EPN2: variants seen among roughly 807,000 people sequenced by gnomAD.
EPN2 encodes the protein epsin 2.
Under a neutral mutation model 61.7 loss-of-function variants are expected in EPN2, and 34 were observed. That is an observed-to-expected ratio of 0.55 (90% CI 0.42 to 0.73). EPN2 has a LOEUF of 0.73. EPN2 is among the 30% of genes least tolerant of loss of function. The pLI, the probability that EPN2 is intolerant of heterozygous loss-of-function variation, is 0.00. For synonymous variants in EPN2, 349 were observed against 353.6 expected (o/e 0.99, Z 0.15); for missense variants, 714 against 839.2 (o/e 0.85, Z 1.84).
rs374152445 is a variant in EPN2, at chr17:19,295,364, A to ACGCGCGCGCG, written c.766+9575_766+9576insGCGCGCGCGC. 4.9e-3 allele frequency among the ~76,000 whole-genome samples: 398 copies of ACGCGCGCGCG among 81,792 alleles called. 2 individuals are homozygous for ACGCGCGCGCG. The highest frequency in any genetic ancestry group is 0.036 in the Middle Eastern group (5 of 140). The allele number at this position is 81,792 out of a possible 152,430, so 53.7% of individuals were successfully genotyped here. A position where few individuals can be genotyped will look rare whatever the true frequency, so the allele number is the denominator to read the frequency against. ...AATACACACACACACACACACACAC[A>ACGCGCGCGCG]CACGCGCGTGCGCGCAAAATAGCCA... On this transcript the variant is annotated intron_variant, in intron 4 of 10. Coordinates refer to ENST00000314728, the MANE Select transcript of EPN2 (RefSeq NM_014964.5).
chr17:19,331,621 A>C (rs1407764692), intron 9 of EPN2, among the ~76,000 whole-genome samples: 1 of 151,828 alleles, frequency 6.6e-6, no homozygotes, highest in Non-Finnish European at 1.5e-5. Context: ...AACCTGCTTT[A>C]GTATTTTGAT....
At chr17:19,250,070 T>A (rs1360121408) in intron 1 of EPN2, among the ~76,000 whole-genome samples, 1 of 152,160 alleles carries the variant, frequency 6.6e-6, no homozygotes, top group Non-Finnish European at 1.5e-5. Context: ...GATACTATGT[T>A]TTAAAGTCAG....
chr17:19,324,770 A>T (rs974342785), intron 7 of EPN2, among the ~76,000 whole-genome samples: 5 of 152,278 alleles, frequency 3.3e-5, no homozygotes, highest in African/African-American at 1.2e-4. Flanking sequence ...ATAAAAGGAA[A>T]TTATAAGGAT....
At chr17:19,252,601 T>G (rs2045026731) in intron 1 of EPN2, among the ~76,000 whole-genome samples, 1 of 152,236 alleles carries the variant, frequency 6.6e-6, no homozygotes, top group Non-Finnish European at 1.5e-5. Flanking sequence ...AAGTGAAGAC[T>G]GACCACCAGC....
chr17:19,280,875 C>T (rs1597991452), intron 1 of EPN2, among the ~76,000 whole-genome samples: 3 of 152,200 alleles, frequency 2.0e-5, no homozygotes, highest in African/African-American at 7.2e-5. Flanking sequence ...TGCAAGTCCA[C>T]GCCTCTGGAA....
chr17:19,256,419 C>CAAAAAA (rs61210278), intron 1 of EPN2, among the ~76,000 whole-genome samples: 3 of 67,968 alleles, frequency 4.4e-5, no homozygotes, highest in South Asian at 4.5e-4. Flanking sequence ...GACCCTGTCT[C>CAAAAAA]AAAAAAAAAA....
chr17:19,248,143 T>G (rs941769731), intron 1 of EPN2, among the ~76,000 whole-genome samples: 1 of 152,190 alleles, frequency 6.6e-6, no homozygotes, highest in Admixed American at 6.5e-5. Flanking sequence ...TGAAGTAATG[T>G]GGTGCGGGGA....
At position 19,313,174 on chromosome 17, in the gene EPN2, G is replaced by A; in HGVS notation, c.1042G>A (p.Ala348Thr). 1 of 1,613,546 alleles carries A rather than the reference G, an allele frequency of 6.2e-7. No homozygotes were observed. Residue 348 changes from alanine to threonine, a missense_variant, in exon 7 of 11, where the codon GCC becomes ACC. Physicochemically the swap from Ala to Thr is moderately conservative, Grantham distance 58. Around this residue, in one of 2 missense-constraint regions of EPN2, gnomAD observed 410 missense variants for 421.8 expected, o/e 0.97. Coordinates refer to ENST00000314728, the MANE Select transcript of EPN2 (RefSeq NM_014964.5). ...TGCTCTCCCCAGCTCGGGCCCCGCG[G>A]CCCAGAAAGCAGAGCCCTGGGGCCC... ...MDALPSSGPAAQKAEPWGPSA... is the reference protein window; with the variant it reads ...MDALPSSGPATQKAEPWGPSA...
At chr17:19,246,634 A>G (rs1241741671) in intron 1 of EPN2, among the ~76,000 whole-genome samples, 1 of 152,056 alleles carries the variant, frequency 6.6e-6, no homozygotes, top group Non-Finnish European at 1.5e-5. Flanking sequence ...GAGGTGAATA[A>G]ATCAATGTGA....
intron 4 of EPN2, among the ~76,000 whole-genome samples, chr17:19,300,580 C>A (rs183112384): frequency 6.6e-6 from 1 of 152,122 alleles, no homozygotes; most frequent in African/African-American, 2.4e-5. Context: ...AGGCGCCTGT[C>A]ACCACGCCTG....
At chr17:19,299,972 A>T (rs897515365) in intron 4 of EPN2, among the ~76,000 whole-genome samples, 3 of 152,220 alleles carry the variant, frequency 2.0e-5, no homozygotes, top group Non-Finnish European at 2.9e-5. Context: ...TTTGTGCCAG[A>T]AGTAAAGCTG....
At chr17:19,257,060 A>T (rs1482533962) in intron 1 of EPN2, among the ~76,000 whole-genome samples, 1 of 152,256 alleles carries the variant, frequency 6.6e-6, no homozygotes, top group Non-Finnish European at 1.5e-5. Context: ...CGCACAAGAA[A>T]TTACTATGTA....
intron 1 of EPN2, among the ~76,000 whole-genome samples, chr17:19,242,674 C>A (rs553753154): frequency 6.6e-6 from 1 of 152,108 alleles, no homozygotes. Context: ...TCTTTCTGTT[C>A]AAAGCAATAC....
chr17:19,291,169 T>C (rs957069827), intron 4 of EPN2, among the ~76,000 whole-genome samples: 7 of 152,202 alleles, frequency 4.6e-5, no homozygotes, highest in African/African-American at 1.7e-4. Flanking sequence ...CAGGATTGTA[T>C]ACAGTGGCTA....
At chr17:19,329,243 C>G (rs1907047383) in intron 8 of EPN2, 1 of 432,118 alleles carries the variant, frequency 2.3e-6, no homozygotes, top group African/African-American at 2.0e-5. Context: ...AGACCCTCAT[C>G]CAAGCAACCA....
intron 1 of EPN2, among the ~76,000 whole-genome samples, chr17:19,261,315 A>G (rs1248782195): frequency 6.6e-6 from 1 of 152,170 alleles, no homozygotes; most frequent in Non-Finnish European, 1.5e-5. Context: ...ATATCTCAGT[A>G]TAGTTTTAAT....
In EPN2 at chr17:19,332,075, T is replaced by G; in HGVS notation, c.1627+7T>G. ...AACCCTTTCCTGGCACCAGGTAGGC[T>G]CTCATCCCAGGCTTCATCCATTGCC... On this transcript the variant is annotated splice_region_variant and intron_variant, in intron 10 of 10. Coordinates refer to ENST00000314728, the MANE Select transcript of EPN2 (RefSeq NM_014964.5). 2 of 1,601,346 alleles carry G rather than the reference T, an allele frequency of 1.2e-6. No homozygotes were observed. Among genetic ancestry groups the G allele is most frequent in the Non-Finnish European group, 1.7e-6 (2 of 1,175,402 alleles).
At chr17:19,257,214 C>CT (rs1442285939) in intron 1 of EPN2, among the ~76,000 whole-genome samples, 5 of 151,896 alleles carry the variant, frequency 3.3e-5, no homozygotes, top group African/African-American at 1.2e-4. Flanking sequence ...AAAAATCTTG[C>CT]TTTTTCCCCC....
rs775225576 is a variant in EPN2 at position 19,312,111 on chromosome 17, A to G, written c.939A>G (p.Arg313=). 3.1e-6 allele frequency: 5 copies of G among 1,614,154 alleles called. No homozygotes were observed. The highest frequency in any genetic ancestry group is 1.6e-4 in the Middle Eastern group (1 of 6,062). ...TACAGATGGCCCTGGAAGAAAGCCG[A>G]AGGGACACAGTTAAAATTCCAAAAA... ...LRLQMALEES[R]RDTVKIPKKK... The change falls in exon 6 of 11, where the codon CGA becomes CGG. Residue 313 remains arginine, a synonymous_variant. Transcript: ENST00000314728.
Sources: allele counts gnomAD v4.1 joint callset (sites outside exome capture counted in the v4.1 genomes callset), GRCh38; gene constraint gnomAD v4.1.1; regional missense constraint gnomAD v4.1.1; transcripts MANE v1.5; gene names NCBI Gene and HGNC (gene_info 2026-07-23, HGNC 2026-07-21).